Variants in LPP observed in about 807,000 individuals in gnomAD.
LPP encodes the protein LIM domain containing preferred translocation partner in lipoma, also known as lipoma-preferred partner.
Under a neutral mutation model 60.4 loss-of-function variants are expected in LPP, and 38 were observed. The observed-to-expected ratio is 0.63, with a 90% confidence interval of 0.49 to 0.83. The LOEUF (loss-of-function observed/expected upper bound fraction) is 0.83, where lower values mean the gene tolerates loss of function less well. LPP is among the 40% of genes least tolerant of loss of function. The pLI is 0.00. For missense variants in LPP, 902 were observed against 783.6 expected, an observed-to-expected ratio of 1.15 and a Z score of -1.80; for synonymous variants, 328 against 290.8, an observed-to-expected ratio of 1.13 and a Z score of -1.30.
chr3:188,346,404 T>G (rs138002181), intron 3 of LPP, among the ~76,000 whole-genome samples: 1 of 150,956 alleles, frequency 6.6e-6, no homozygotes, highest in African/African-American at 2.4e-5. Flanking sequence ...GGACTACAGG[T>G]GCACACCCCC....
chr3:188,244,411 C>G (rs1270416658), intron 2 of LPP, among the ~76,000 whole-genome samples: 1 of 152,146 alleles, frequency 6.6e-6, no homozygotes, highest in African/African-American at 2.4e-5. Context: ...GTCTAGTGGT[C>G]CAACTTGGGT....
At chr3:188,354,577 T>A (rs1446852247) in intron 3 of LPP, among the ~76,000 whole-genome samples, 1 of 152,188 alleles carries the variant, frequency 6.6e-6, no homozygotes, top group Non-Finnish European at 1.5e-5. Context: ...TTTTTTCTTT[T>A]ACAGTTTTAG....
rs1335771863 is a variant in LPP, at chr3:188,883,036, C to T, written c.*8557C>T. On this transcript the variant is annotated 3_prime_UTR_variant, in exon 12 of 12. Coordinates refer to ENST00000617246, the MANE Select transcript of LPP (RefSeq NM_001375462.1). The stretch of plus-strand genomic sequence containing the variant: ...TAAACATCACCTGTATCAGGGAGCT[C>T]ATTATTCCTTGAGGTCTTACATTTC... The T allele has an allele frequency of 5.0e-6, 1 of 201,782 alleles. No homozygotes were observed. The highest frequency in any genetic ancestry group is 7.6e-5 in the East Asian group (1 of 13,142). The allele number at this position is 201,782 out of a possible 1,614,324, so 12.5% of individuals were successfully genotyped here.
At chr3:188,696,660 T>C (rs1560079033) in intron 7 of LPP, among the ~76,000 whole-genome samples, 1 of 152,206 alleles carries the variant, frequency 6.6e-6, no homozygotes, top group African/African-American at 2.4e-5. Flanking sequence ...GTAGTAAAAT[T>C]CAGCATCCTG....
intron 4 of LPP, among the ~76,000 whole-genome samples, chr3:188,451,721 T>C (rs2149353673): frequency 6.6e-6 from 1 of 152,198 alleles, no homozygotes. Context: ...CAGGTGTCTT[T>C]TGGGGATGCT....
chr3:188,378,446 G>T (rs1578456582), intron 3 of LPP, among the ~76,000 whole-genome samples: 1 of 152,180 alleles, frequency 6.6e-6, no homozygotes, highest in Non-Finnish European at 1.5e-5. Flanking sequence ...CTGCCGCCTT[G>T]TTGTTTGATC....
intron 5 of LPP, among the ~76,000 whole-genome samples, chr3:188,488,064 G>A (rs949859207): frequency 1.3e-5 from 2 of 150,902 alleles, no homozygotes; most frequent in Non-Finnish European, 2.9e-5. Context: ...GACCCAAGAA[G>A]GGATGGATCC....
At chr3:188,680,000 C>A (rs568114669) in intron 7 of LPP, among the ~76,000 whole-genome samples, 1 of 152,198 alleles carries the variant, frequency 6.6e-6, no homozygotes, top group South Asian at 2.1e-4. Flanking sequence ...GAAGAAACAG[C>A]AAAATTGTCA....
At chr3:188,679,178 G>A (rs1003168538) in intron 7 of LPP, among the ~76,000 whole-genome samples, 13 of 152,162 alleles carry the variant, frequency 8.5e-5, no homozygotes, top group African/African-American at 2.7e-4. Flanking sequence ...TGTGACTGTG[G>A]ACCAACTACT....
chr3:188,423,150 C>G (rs6769190), intron 4 of LPP, among the ~76,000 whole-genome samples: 43,420 of 151,650 alleles, frequency 0.29, 6,451 homozygotes, highest in African/African-American at 0.31. Flanking sequence ...CTCCCTGTGT[C>G]CATGTGTTCT....
chr3:188,425,085 CAT>C (rs1433759685), intron 4 of LPP, among the ~76,000 whole-genome samples: 1 of 152,146 alleles, frequency 6.6e-6, no homozygotes, highest in Non-Finnish European at 1.5e-5. Context: ...GTGGGTTTGT[CAT>C]AAATAGCTCT....
At chr3:188,376,306 G>A (rs1338899792) in intron 3 of LPP, among the ~76,000 whole-genome samples, 1 of 151,730 alleles carries the variant, frequency 6.6e-6, no homozygotes, top group Non-Finnish European at 1.5e-5. Context: ...ACAGTGGGGT[G>A]TTAAAGTCTC....
At chr3:188,771,752 C>A (rs7623540) in intron 9 of LPP, among the ~76,000 whole-genome samples, 93,551 of 151,904 alleles carry the variant, frequency 0.62, 30,054 homozygotes, top group South Asian at 0.79. Flanking sequence ...AGACACATAA[C>A]AAATCTGCAA....
intron 2 of LPP, among the ~76,000 whole-genome samples, chr3:188,281,465 A>G (rs1433906913): frequency 6.6e-6 from 1 of 151,874 alleles, no homozygotes; most frequent in African/African-American, 2.4e-5. Flanking sequence ...TTAGCCAAGC[A>G]TGATGGTTCG....
intron 9 of LPP, among the ~76,000 whole-genome samples, chr3:188,844,870 G>T (rs1761026796): frequency 6.6e-6 from 1 of 152,172 alleles, no homozygotes; most frequent in Admixed American, 6.5e-5. Flanking sequence ...AGGTTGCATT[G>T]AGGATCTTAG....
intron 7 of LPP, among the ~76,000 whole-genome samples, chr3:188,661,996 T>C (rs1854684247): frequency 6.6e-6 from 1 of 152,214 alleles, no homozygotes; most frequent in Non-Finnish European, 1.5e-5. Flanking sequence ...TGCACAAACA[T>C]GAACATTTCA....
chr3:188,213,705 G>A (rs889634034), intron 1 of LPP, among the ~76,000 whole-genome samples: 41 of 151,818 alleles, frequency 2.7e-4, no homozygotes, highest in African/African-American at 8.0e-4. Flanking sequence ...TGTGAATGTC[G>A]TATGAATGCA....
chr3:188,790,868 T>C (rs534459222), intron 9 of LPP, among the ~76,000 whole-genome samples: 10 of 152,104 alleles, frequency 6.6e-5, no homozygotes, highest in Non-Finnish European at 1.3e-4. Flanking sequence ...GCTTTTCTTA[T>C]TCTAGGTAGC....
chr3:188,672,255 C>G (rs372393611), intron 7 of LPP, among the ~76,000 whole-genome samples: 1 of 151,384 alleles, frequency 6.6e-6, no homozygotes, highest in African/African-American at 2.4e-5. Flanking sequence ...TTATGGTGAG[C>G]TTTTTGTCTT....
Sources: gnomAD v4.1 joint callset for allele counts (sites outside exome capture counted in the v4.1 genomes callset) on GRCh38, gnomAD v4.1.1 for gene constraint, MANE v1.5 for transcripts, NCBI Gene and HGNC (gene_info 2026-07-23, HGNC 2026-07-21) for gene names.